Variants in SLIT1 observed in about 807,000 individuals in gnomAD.
SLIT1 encodes slit guidance ligand 1.
A neutral mutation model predicts 186.1 loss-of-function variants in SLIT1; 66 were observed. The ratio of observed to expected loss-of-function variants is 0.35; its 90% CI spans 0.29 to 0.44. The LOEUF (loss-of-function observed/expected upper bound fraction) is 0.44, where lower values mean the gene tolerates loss of function less well. Among genes scored for constraint, SLIT1 ranks in the 20% least tolerant of loss-of-function variants. The pLI is 1.00. For missense variants in SLIT1, 1,638 were observed against 2,037.4 expected, an observed-to-expected ratio of 0.80 and a Z score of 3.77; for synonymous variants, 761 against 833.8, an observed-to-expected ratio of 0.91 and a Z score of 1.50.
intron 30 of SLIT1, among the ~76,000 whole-genome samples, chr10:97,011,587 C>G (rs1564653041): frequency 6.6e-6 from 1 of 152,194 alleles, no homozygotes; most frequent in African/African-American, 2.4e-5. Flanking sequence ...CAGTCCTCAG[C>G]AGGGCTAGTG....
At chr10:97,002,126 G>C in intron 36 of SLIT1, 32 bp downstream of exon 36, 1 of 1,373,506 alleles carries the variant, frequency 7.3e-7, no homozygotes, top group Non-Finnish European at 9.6e-7. Context: ...GGGGGACCCT[G>C]GGGAGGGCAC....
chr10:97,059,491 C>A lies in SLIT1; in HGVS notation c.1054G>T (p.Ala352Ser). 4 of 1,613,816 alleles carry A rather than the reference C, an allele frequency of 2.5e-6. No homozygotes were observed. The highest frequency in any genetic ancestry group is 3.4e-6 in the Non-Finnish European group (4 of 1,179,998). ...TTCAGGGAGCGGAGGCCCTGGAAGG[C>A]GTCGGGTGCAATCTCAGCGATCTGA... ...NNQIAEIAPD[A>S]FQGLRSLNSL... is the part of the protein sequence containing the mutation. Residue 352 changes from alanine to serine, a missense_variant, in exon 11 of 37, where the codon GCC (alanine) becomes TCC (serine). Transcript: ENST00000266058.
rs1020334794 is a variant in SLIT1, at chr10:97,047,015, T to C, written c.1685A>G (p.Lys562Arg). ...CATTTTCTTCAGATGTGTAAGTTTT[T>C]TAAACATCCCAGTGGCCTCCAGGAT... ...ISILEATGMFKKLTHLKKINL... is the reference protein window; with the variant it reads ...ISILEATGMFRKLTHLKKINL... The change falls in exon 17 of 37, where the codon AAA becomes AGA. Residue 562 changes from lysine (K) to arginine (R), a missense_variant. Coordinates refer to ENST00000266058, the MANE Select transcript of SLIT1 (RefSeq NM_003061.3). 4 of 1,612,844 alleles carry C rather than the reference T, an allele frequency of 2.5e-6. No homozygotes were observed. In the African/African-American group the frequency reaches 5.3e-5, roughly 22 times the overall value.
rs143236657 is a variant in SLIT1, at chr10:97,087,806, G to C, written c.414-21720C>G. The stretch of plus-strand genomic sequence containing the variant: ...CTGGGCGCTGGGGGGATGGAGTCTT[G>C]ATCAGCCCAGCCAATATTTCCCATT... On this transcript the variant is annotated intron_variant, in intron 4 of 36. Transcript: ENST00000266058. Among the ~76,000 whole-genome samples the C allele has an allele frequency of 3.6e-3, 553 of 152,206 alleles. 4 individuals carry two copies. The highest frequency in any genetic ancestry group is 0.013 in the African/African-American group (522 of 41,532).
intron 4 of SLIT1, among the ~76,000 whole-genome samples, chr10:97,083,065 ACACCCC>A (rs1471867671): frequency 6.6e-6 from 1 of 152,096 alleles, no homozygotes; most frequent in Non-Finnish European, 1.5e-5. Flanking sequence ...GACTCTGGGC[ACACCCC>A]CACCATGCTC....
chr10:97,120,127 G>A (rs1257682559), intron 4 of SLIT1, among the ~76,000 whole-genome samples: 1 of 151,880 alleles, frequency 6.6e-6, no homozygotes, highest in Admixed American at 6.6e-5. Context: ...TAGCAAAACA[G>A]GACTCAGAGA....
At chr10:97,025,458 T>C (rs1025072502) in intron 25 of SLIT1, among the ~76,000 whole-genome samples, 1 of 152,226 alleles carries the variant, frequency 6.6e-6, no homozygotes, top group Admixed American at 6.5e-5. Context: ...AGCTTTCATT[T>C]ATCCAAAGGC....
At chr10:97,092,847 G>A (rs1259264757) in intron 4 of SLIT1, among the ~76,000 whole-genome samples, 3 of 152,226 alleles carry the variant, frequency 2.0e-5, no homozygotes, top group Non-Finnish European at 4.4e-5. Context: ...CCTTTGCAAT[G>A]TGCCAGGCTC....
intron 4 of SLIT1, among the ~76,000 whole-genome samples, chr10:97,084,669 G>A (rs903151516): frequency 7.9e-5 from 12 of 151,442 alleles, no homozygotes; most frequent in East Asian, 1.9e-4. Flanking sequence ...GCAATGGCTC[G>A]ATCTCAACTC....
intron 13 of SLIT1, among the ~76,000 whole-genome samples, chr10:97,049,903 G>A (rs150276768): frequency 3.3e-5 from 5 of 152,344 alleles, no homozygotes; most frequent in African/African-American, 7.2e-5. Context: ...TGCTGTGTGC[G>A]ACCCCATGCT....
At chr10:97,072,733 G>C (rs1849011289) in intron 4 of SLIT1, among the ~76,000 whole-genome samples, 1 of 152,238 alleles carries the variant, frequency 6.6e-6, no homozygotes. Flanking sequence ...AATGCAGCCT[G>C]ATGGCAGCAA....
intron 4 of SLIT1, among the ~76,000 whole-genome samples, chr10:97,090,258 G>A (rs1849215929): frequency 1.3e-5 from 2 of 152,158 alleles, no homozygotes; most frequent in Non-Finnish European, 1.5e-5. Flanking sequence ...AGGGGCCCCT[G>A]CAGCCCGCGT....
chr10:97,179,956 A>G (rs1022177666), intron 1 of SLIT1, among the ~76,000 whole-genome samples: 1 of 152,200 alleles, frequency 6.6e-6, no homozygotes, highest in African/African-American at 2.4e-5. Flanking sequence ...GCCGGCACAG[A>G]ACTGGAGGCG....
At chr10:97,075,463 G>A (rs988259646) in intron 4 of SLIT1, among the ~76,000 whole-genome samples, 3 of 152,192 alleles carry the variant, frequency 2.0e-5, no homozygotes, top group Admixed American at 6.5e-5. Context: ...GCTCAAGGCC[G>A]CCAACCCACT....
chr10:97,063,772 G>C (rs1371984812), intron 7 of SLIT1, among the ~76,000 whole-genome samples, 154 bp from the exon 8 acceptor site: 2 of 152,014 alleles, frequency 1.3e-5, no homozygotes, highest in East Asian at 1.9e-4. Flanking sequence ...GCTCCAACCC[G>C]GGGATTATCC....
At chr10:97,094,076 G>C (rs1849261003) in intron 4 of SLIT1, among the ~76,000 whole-genome samples, 1 of 152,266 alleles carries the variant, frequency 6.6e-6, no homozygotes, top group South Asian at 2.1e-4. Context: ...TGCTAAGACT[G>C]TCATTCACCT....
At chr10:97,014,700 C>T (rs997885989) in intron 28 of SLIT1, among the ~76,000 whole-genome samples, 3 of 152,100 alleles carry the variant, frequency 2.0e-5, no homozygotes, top group Admixed American at 2.0e-4. Flanking sequence ...AACGCTGTCT[C>T]TATTAAAATA....
chr10:97,178,797 G>C (rs1178859972), intron 1 of SLIT1, among the ~76,000 whole-genome samples: 1 of 13,870 alleles, frequency 7.2e-5, no homozygotes, highest in Non-Finnish European at 4.4e-4. Context: ...GAAAGTGTGT[G>C]TGTGTGTGTG....
At chr10:97,158,303 A>C (rs1260925983) in intron 3 of SLIT1, among the ~76,000 whole-genome samples, 1 of 151,734 alleles carries the variant, frequency 6.6e-6, no homozygotes, top group Non-Finnish European at 1.5e-5. Flanking sequence ...CCCTGATTTC[A>C]TCCACATTTG....
Sources: gnomAD v4.1 joint callset for allele counts (sites outside exome capture counted in the v4.1 genomes callset) on GRCh38, gnomAD v4.1.1 for gene constraint, MANE v1.5 for transcripts, NCBI Gene and HGNC (gene_info 2026-07-23, HGNC 2026-07-21) for gene names.